The following TNS2 variants were observed in gnomAD, a reference collection of about 807,000 sequenced individuals.
TNS2 encodes the protein tensin-2.
Under a neutral mutation model 155.7 loss-of-function variants are expected in TNS2, and 77 were observed. The ratio of observed to expected loss-of-function variants is 0.49; its 90% CI spans 0.41 to 0.60. The LOEUF (loss-of-function observed/expected upper bound fraction) is 0.60, where lower values mean the gene tolerates loss of function less well. Among genes scored for constraint, TNS2 ranks in the 20% least tolerant of loss-of-function variants. TNS2 has a pLI of 0.00. For missense variants in TNS2, 1,703 were observed against 1,868.8 expected, an observed-to-expected ratio of 0.91 and a Z score of 1.64; for synonymous variants, 726 against 763.9, an observed-to-expected ratio of 0.95 and a Z score of 0.82.
At chr12:53,052,106 C>T (rs554825185) in intron 2 of TNS2, 143 bp downstream of exon 2, 8 of 711,326 alleles carry the variant, frequency 1.1e-5, no homozygotes, top group South Asian at 1.9e-5. Flanking sequence ...GCAGCTGCCT[C>T]CCCCTTCAGA....
chr12:53,053,255 G>A (rs1253048380), intron 3 of TNS2, 156 bp from the exon 4 acceptor site: 3 of 813,118 alleles, frequency 3.7e-6, no homozygotes, highest in East Asian at 2.7e-5. Context: ...AGAGGCCAGA[G>A]GGGAGGTGCC....
At position 53,063,152 on chromosome 12, in the gene TNS2, C is replaced by T. The variant is rs1463343146; in HGVS notation, c.3887C>T (p.Ala1296Val). The T allele has an allele frequency of 1.2e-6, 2 of 1,608,104 alleles. No individual in the cohort carries two copies. The highest frequency in any genetic ancestry group is 2.2e-5 in the East Asian group (1 of 44,830). ...TESLTGPQAVARASSAALSCS... is the reference protein window; with the variant it reads ...TESLTGPQAVVRASSAALSCS... ...TCACTGACGGGCCCCCAAGCTGTGG[C>T]CCGGGCCAGCTCTGCAGCTCTGAGC... Residue 1296 changes from alanine (A) to valine (V), a missense_variant, in exon 26 of 29, where the codon GCC becomes GTC. Transcript: ENST00000314250. This position sits in a 1 kb window ranked among gnomAD's most constrained non-coding sequence, Gnocchi z 5.6.
At chr12:53,058,241 G>A (rs1944231140) in intron 14 of TNS2, 75 bp from the exon 15 acceptor site, 1 of 1,603,240 alleles carries the variant, frequency 6.2e-7, no homozygotes, top group Admixed American at 1.7e-5. Flanking sequence ...CAGAAGCTGT[G>A]ACCAGGCAGT....
At chr12:53,049,381 T>C (rs1943842176), upstream of TNS2, 1 of 708,166 alleles carries the variant, frequency 1.4e-6, no homozygotes, top group African/African-American at 1.9e-5. Flanking sequence ...AATGGGTGAG[T>C]GGGGGGCACT....
At chr12:53,055,460 G>T in intron 8 of TNS2, 108 bp from the exon 9 acceptor site, 1 of 1,381,296 alleles carries the variant, frequency 7.2e-7, no homozygotes, top group South Asian at 1.4e-5. Flanking sequence ...ACAACCAGCA[G>T]ACCCCCAGCC....
chr12:53,053,719 G>A, intron 4 of TNS2, 55 bp from the exon 5 acceptor site: 1 of 1,601,296 alleles, frequency 6.2e-7, no homozygotes, highest in African/African-American at 1.4e-5. Context: ...GCCCACATTG[G>A]TCCTTGCCCC....
chr12:53,054,303 C>G lies in TNS2; in HGVS notation c.384C>G (p.Arg128=). ...GCCTGGACCCGCTCATGGAGCGGCG[C>G]TGGGACTTAGACCTCACCTACGTGA... ...SFSLDPLMER[R]WDLDLTYVTE... is the part of the protein sequence containing the mutation. Residue 128 remains arginine (R), a synonymous_variant, in exon 7 of 29, where the codon CGC becomes CGG. Transcript: ENST00000314250. 6.2e-7 allele frequency: 1 copy of G among 1,613,316 alleles called. No homozygotes were observed. The highest frequency in any genetic ancestry group is 8.5e-7 in the Non-Finnish European group (1 of 1,179,934).
In TNS2 at chr12:53,060,057, C is replaced by T. The variant is rs1276638351; in HGVS notation, c.2416C>T (p.Pro806Ser). The T allele has an allele frequency of 6.2e-7, 1 of 1,613,264 alleles. No homozygotes were observed. Among genetic ancestry groups the T allele is most frequent in the Non-Finnish European group, 8.5e-7 (1 of 1,179,788 alleles). The change falls in exon 18 of 29, where the codon CCT becomes TCT. Residue 806 changes from proline to serine, a missense_variant. Pro to Ser is a moderately conservative substitution (Grantham distance 74). Transcript: ENST00000314250. The surrounding 1 kb of genome is among the most constrained non-coding windows in gnomAD (Gnocchi z 6.1). ...PSYCPAYGRV[P>S]HSCGSPGEGR... ...TTACTGCCCAGCATATGGCCGTGTGCCTCATAGCTGTGGCTCTCCAGGAGA... is the reference window on the plus strand; with the variant it reads ...TTACTGCCCAGCATATGGCCGTGTGTCTCATAGCTGTGGCTCTCCAGGAGA...
intron 4 of TNS2, 111 bp from the exon 5 acceptor site, chr12:53,053,663 T>A (rs1022262241): frequency 2.2e-5 from 34 of 1,515,240 alleles, no homozygotes; most frequent in Admixed American, 4.1e-5. Flanking sequence ...CCTTATCCAG[T>A]ACAGCCTTCA....
Position 53,059,641 on chromosome 12 carries a change from G to C in TNS2, c.2000G>C (p.Gly667Ala). The C allele has an allele frequency of 6.2e-7, 1 of 1,613,344 alleles. No individual in the cohort carries two copies. Among genetic ancestry groups the C allele is most frequent in the East Asian group, 2.2e-5 (1 of 44,876 alleles). Reference protein sequence around the residue: ...EMGKPATGDFGYRAPGYREVV... With the variant: ...EMGKPATGDFAYRAPGYREVV... ...GGGAAACCAGCCACTGGGGACTTTG[G>C]CTACCGCGCCCCAGGCTACCGGGAG... The change falls in exon 18 of 29, where the codon GGC becomes GCC. Residue 667 changes from glycine to alanine, a missense_variant. Gly to Ala is a moderately conservative substitution (Grantham distance 60). Transcript: ENST00000314250. This position sits in a 1 kb window ranked among gnomAD's most constrained non-coding sequence, Gnocchi z 4.7.
Position 53,061,120 on chromosome 12 carries a change from C to G in TNS2, c.3214C>G (p.Pro1072Ala). ...TGACACCAATGGCCTTAGCCAGCCC[C>G]CACTTCCTGAGAAACGCCACCTGCC... ...SYDTNGLSQP[P>A]LPEKRHLPGP... Residue 1072 changes from proline to alanine, a missense_variant, in exon 20 of 29, where the codon CCA (proline) becomes GCA (alanine). By Grantham distance (27) the Pro-to-Ala change is conservative. Transcript: ENST00000314250. The G allele has an allele frequency of 6.2e-7, 1 of 1,610,946 alleles. No individual in the cohort carries two copies. Among genetic ancestry groups the G allele is most frequent in the Non-Finnish European group, 8.5e-7 (1 of 1,178,480 alleles).
upstream of TNS2, chr12:53,049,848 G>T: frequency 2.6e-6 from 1 of 387,342 alleles, no homozygotes; most frequent in Middle Eastern, 8.2e-4. Flanking sequence ...CAGATCCCTG[G>T]AGAGTGTGGT....
intron 11 of TNS2, 32 bp from the exon 12 acceptor site, chr12:53,057,524 CAGAGGAAAAGG>C: frequency 6.9e-7 from 1 of 1,451,260 alleles, no homozygotes; most frequent in Non-Finnish European, 9.6e-7. Flanking sequence ...AGGTGACCTC[CAGAGGAAAAGG>C]CTTATGTTCT....
upstream of TNS2, chr12:53,049,048 A>G: frequency 1.1e-6 from 1 of 881,506 alleles, no homozygotes; most frequent in South Asian, 1.9e-5. Context: ...GCTTTTAGGA[A>G]GATTACTCCC....
At chr12:53,052,897 G>A (rs1943992436) in intron 3 of TNS2, among the ~76,000 whole-genome samples, 1 of 152,146 alleles carries the variant, frequency 6.6e-6, no homozygotes, top group African/African-American at 2.4e-5. Flanking sequence ...GCCTGGGCGG[G>A]TCTTGTCCTG....
intron 1 of TNS2, 141 bp from the exon 2 acceptor site, chr12:53,051,714 G>T: frequency 1.6e-6 from 1 of 637,604 alleles, no homozygotes; most frequent in Middle Eastern, 3.9e-4. Context: ...AGCAGCTGTG[G>T]CCAAGTGCGT....
At position 53,059,979 on chromosome 12, in the gene TNS2, C is replaced by T. The variant is rs763681833; in HGVS notation, c.2338C>T (p.His780Tyr). 2 of 1,613,168 alleles carry T rather than the reference C, an allele frequency of 1.2e-6. No individual in the cohort carries two copies. The highest frequency in any genetic ancestry group is 4.5e-5 in the East Asian group (2 of 44,876). The change falls in exon 18 of 29, where the codon CAT (histidine) becomes TAT (tyrosine). Residue 780 changes from histidine (H) to tyrosine (Y), a missense_variant. Physicochemically the swap from His to Tyr is moderately conservative, Grantham distance 83. Transcript: ENST00000314250. The surrounding 1 kb of genome is among the most constrained non-coding windows in gnomAD (Gnocchi z 4.7). ...CATGTGCCCCGAAGGCAGGTATGGG[C>T]ATCCAGGGTACCCTGCCCTGGTGAC... ...YTMCPEGRYGHPGYPALVTYS... is the reference protein window; with the variant it reads ...YTMCPEGRYGYPGYPALVTYS...
chr12:53,061,471 T>G lies in TNS2; in HGVS notation c.3448+2T>G, dbSNP rs751218469. The G allele has an allele frequency of 6.2e-7, 1 of 1,614,008 alleles. No homozygotes were observed. Among genetic ancestry groups the G allele is most frequent in the Non-Finnish European group, 8.5e-7 (1 of 1,179,958 alleles). ...AGCCACACCTGTCCCGTGACCAAGG[T>G]GAGAAGCCAGCCTGCCCCCACCCCA... is the stretch of plus-strand genomic sequence containing the variant. On this transcript the variant is annotated splice_donor_variant, in intron 21 of 28. Coordinates refer to ENST00000314250, the MANE Select transcript of TNS2 (RefSeq NM_170754.4). LOFTEE classifies it high-confidence loss of function.
Position 53,058,399 on chromosome 12 carries a change from AC to A in TNS2, c.1181del (p.Pro394HisfsTer78), listed in dbSNP as rs1444195900. 3 of 1,614,002 alleles carry A rather than the reference AC, an allele frequency of 1.9e-6. No homozygotes were observed. The highest frequency in any genetic ancestry group is 2.5e-6 in the Non-Finnish European group (3 of 1,180,028). On this transcript the variant is annotated frameshift_variant, in exon 15 of 29. Coordinates refer to ENST00000314250, the MANE Select transcript of TNS2 (RefSeq NM_170754.4). LOFTEE classifies it high-confidence loss of function. The part of the protein sequence containing the change: ...VQFHTCTIHG[P>X]QLTFPKDQLD... ...AGTTCCACACCTGCACCATCCACGGACCACAGCTCACTTTCCCCAAGGACCA... is the reference window on the plus strand; with the variant it reads ...AGTTCCACACCTGCACCATCCACGGACACAGCTCACTTTCCCCAAGGACCA...
Sources: gnomAD v4.1 joint callset for allele counts (sites outside exome capture counted in the v4.1 genomes callset) on GRCh38, gnomAD v4.1.1 for gene constraint, Gnocchi (gnomAD v3.1) non-coding constraint, MANE v1.5 for transcripts, NCBI Gene and HGNC (gene_info 2026-07-23, HGNC 2026-07-21) for gene names.